The following TXNRD3 variants were observed in gnomAD, a reference collection of about 807,000 sequenced individuals.
TXNRD3 encodes thioredoxin reductase 3, also known as TXNRD3 neighbor gene protein.
TXNRD3 carries 68 observed loss-of-function variants against 78.2 expected under a neutral mutation model. That is an observed-to-expected ratio of 0.87 (90% CI 0.72 to 1.06). TXNRD3 has a LOEUF of 1.06. TXNRD3 is among the 50% of genes least tolerant of loss of function. The probability of loss-of-function intolerance (pLI) is 0.00; values close to 1 mark genes in which losing one functional copy is unlikely to be tolerated. For missense variants in TXNRD3, 751 were observed against 809.5 expected (o/e 0.93, Z 0.88); for synonymous variants, 296 against 300.1 (o/e 0.99, Z 0.14).
rs1364590792 is a variant in TXNRD3, at chr3:126,644,258, C to G, written c.519+39G>C. 2.0e-6 allele frequency: 3 copies of G among 1,498,166 alleles called. No individual in the cohort carries two copies. The East Asian group carries it at 7.4e-5, about 37-fold the overall frequency. 92.8% of individuals were successfully genotyped at this position (1,498,166 alleles called of 1,614,324 possible). On this transcript the variant is annotated intron_variant, in intron 4 of 15. Transcript: ENST00000524230. ...CAGAAGAAATAGCTATGGCAGTCAT[C>G]AGGAAAATTATCTACGAGTTTCATT...
intron 12 of TXNRD3, 143 bp downstream of exon 12, chr3:126,621,599 C>A: frequency 1.3e-6 from 1 of 753,128 alleles, no homozygotes; most frequent in Non-Finnish European, 2.0e-6. Flanking sequence ...TATTTTAATC[C>A]ATTAGTAAAT....
chr3:126,615,630 A>T (rs1198192268), intron 12 of TXNRD3, among the ~76,000 whole-genome samples, 168 bp from the exon 13 acceptor site: 1 of 152,182 alleles, frequency 6.6e-6, no homozygotes, highest in Non-Finnish European at 1.5e-5. Flanking sequence ...GAGATCTGGG[A>T]TGGGCCCCTG....
intron 8 of TXNRD3, among the ~76,000 whole-genome samples, chr3:126,631,454 C>A (rs1290988400): frequency 6.6e-6 from 1 of 152,002 alleles, no homozygotes; most frequent in African/African-American, 2.4e-5. Flanking sequence ...AGGACACTAA[C>A]CCCTAGAGCT....
intron 3 of TXNRD3, 105 bp downstream of exon 3, chr3:126,646,006 A>G (rs1203772214): frequency 1.2e-6 from 1 of 805,614 alleles, no homozygotes; most frequent in African/African-American, 1.8e-5. Flanking sequence ...TCATTTTATA[A>G]CTTCCAAAAG....
At chr3:126,625,314 C>A in intron 10 of TXNRD3, among the ~76,000 whole-genome samples, 1 of 101,974 alleles carries the variant, frequency 9.8e-6, no homozygotes, top group East Asian at 3.5e-4. Flanking sequence ...CCTCCCCCCA[C>A]CCCACAACAG....
rs548289391 is a variant in TXNRD3, at chr3:126,638,045, G to A, written c.712+3987C>T. On this transcript the variant is annotated intron_variant, in intron 6 of 15. Coordinates refer to ENST00000524230, the MANE Select transcript of TXNRD3 (RefSeq NM_052883.3). ...TGCAACCTCCGCCTCCTGGGTTCAA[G>A]CGATTCTCTTGCCTCAACCTCCCGA... is the stretch of plus-strand genomic sequence containing the variant. 8.0e-5 allele frequency among the ~76,000 whole-genome samples: 11 copies of A among 136,702 alleles called. No individual in the cohort carries two copies. The South Asian group carries it at 2.7e-3, about 33-fold the overall frequency. 89.7% of individuals were successfully genotyped at this position (136,702 alleles called of 152,430 possible). A position where few individuals can be genotyped will look rare whatever the true frequency, so the allele number is the denominator to read the frequency against.
chr3:126,626,221 C>T (rs1938576315), intron 10 of TXNRD3, among the ~76,000 whole-genome samples: 1 of 152,152 alleles, frequency 6.6e-6, no homozygotes, highest in Non-Finnish European at 1.5e-5. Flanking sequence ...CAAAGGGATA[C>T]TTCCATGACC....
In TXNRD3 at chr3:126,640,413, T is replaced by C. The variant is rs557425704; in HGVS notation, c.712+1619A>G. ...TGAGCCACCGCGCCCGGCCGCTGCT[T>C]GTGTTTTCTATCTCAGTGAACAGTA... On this transcript the variant is annotated intron_variant, in intron 6 of 15. Transcript: ENST00000524230. 2.0e-5 allele frequency among the ~76,000 whole-genome samples: 3 copies of C among 151,532 alleles called. 1 individual carries two copies. The highest frequency in any genetic ancestry group is 7.3e-5 in the African/African-American group (3 of 41,190).
intron 2 of TXNRD3, 29 bp downstream of exon 2, chr3:126,647,207 C>T (rs776581225): frequency 3.4e-6 from 5 of 1,489,986 alleles, no homozygotes; most frequent in South Asian, 1.2e-5. Flanking sequence ...TTATTATAAA[C>T]AACACTATGT....
rs1425992891 is a variant in TXNRD3, at chr3:126,626,632, T to C, written c.1290+2747A>G. Among the ~76,000 whole-genome samples, 4 of 152,298 alleles carry C rather than the reference T, an allele frequency of 2.6e-5. 1 individual carries two copies. Among genetic ancestry groups the C allele is most frequent in the South Asian group, 4.1e-4 (2 of 4,830 alleles). On this transcript the variant is annotated intron_variant, in intron 10 of 15. Coordinates refer to ENST00000524230, the MANE Select transcript of TXNRD3 (RefSeq NM_052883.3). ...GAATGCCTAGAATGAGAAAGCCAGA[T>C]GCCCCTAAAAGTCCTAAGGGTCTGG...
chr3:126,635,594 C>T (rs985018213), intron 6 of TXNRD3, among the ~76,000 whole-genome samples: 2 of 152,038 alleles, frequency 1.3e-5, no homozygotes, highest in African/African-American at 2.4e-5. Flanking sequence ...AAATAATCAG[C>T]CAATCTCCAA....
chr3:126,634,560 A>ACG (rs1938806382), intron 6 of TXNRD3, among the ~76,000 whole-genome samples: 1 of 152,154 alleles, frequency 6.6e-6, no homozygotes, highest in Non-Finnish European at 1.5e-5. Context: ...GTTCACGCTC[A>ACG]CCACTGCCAA....
Position 126,607,953 on chromosome 3 carries a change from G to T in TXNRD3, c.1884C>A (p.Ile628=). 1 of 1,504,852 alleles carries T rather than the reference G, an allele frequency of 6.6e-7. No individual in the cohort carries two copies. Among genetic ancestry groups the T allele is most frequent in the Non-Finnish European group, 8.9e-7 (1 of 1,123,932 alleles). The allele number at this position is 1,504,852 out of a possible 1,614,324, so 93.2% of individuals were successfully genotyped here. Residue 628 remains isoleucine (I), a synonymous_variant, in exon 16 of 16, where the codon ATC becomes ATA. Coordinates refer to ENST00000524230, the MANE Select transcript of TXNRD3 (RefSeq NM_052883.3). ...TGATGTCTAGTCCTGACGACTTTGT[G>T]ATTTCCAAAGTCGTGAACACCTGTT...
intron 1 of TXNRD3, among the ~76,000 whole-genome samples, chr3:126,652,667 C>G (rs1933417615): frequency 2.0e-5 from 3 of 152,170 alleles, no homozygotes. Flanking sequence ...TTTTCCCAGT[C>G]ACAGAGAGTG....
chr3:126,642,954 G>A (rs1054580491), intron 5 of TXNRD3, among the ~76,000 whole-genome samples: 3 of 152,248 alleles, frequency 2.0e-5, no homozygotes, highest in African/African-American at 7.2e-5. Flanking sequence ...TCACAAAGGT[G>A]TAAGCAGGAA....
intron 10 of TXNRD3, among the ~76,000 whole-genome samples, chr3:126,626,288 T>C (rs1247794211): frequency 6.6e-6 from 1 of 152,004 alleles, no homozygotes; most frequent in African/African-American, 2.4e-5. Context: ...TAAAGTAAAA[T>C]ACTAATAAAA....
intron 6 of TXNRD3, among the ~76,000 whole-genome samples, chr3:126,640,616 A>G (rs1042846615): frequency 2.0e-5 from 3 of 152,192 alleles, no homozygotes; most frequent in Admixed American, 6.5e-5. Context: ...CTCTGCACAA[A>G]GAGACAAGTG....
At chr3:126,620,315 A>T (rs1340261393) in intron 12 of TXNRD3, among the ~76,000 whole-genome samples, 1 of 145,328 alleles carries the variant, frequency 6.9e-6, no homozygotes, top group South Asian at 2.2e-4. Context: ...AAAAAAAAAA[A>T]ATCACACACA....
At position 126,647,136 on chromosome 3, in the gene TXNRD3, C is replaced by T. The variant is rs3732531; in HGVS notation, c.304+100G>A. On this transcript the variant is annotated intron_variant, in intron 2 of 15. Transcript: ENST00000524230. ...GTAGACAAAAATGCCTCATTTAACC[C>T]GAAGACAAGAGTAATCTGAATTGAA... The T allele has an allele frequency of 3.3e-3, 3,065 of 926,508 alleles. 116 individuals are homozygous for T. In the East Asian group the frequency reaches 0.077, roughly 23 times the overall value. 57.4% of individuals were successfully genotyped at this position (926,508 alleles called of 1,614,324 possible).
Sources: gnomAD v4.1 joint callset for allele counts (sites outside exome capture counted in the v4.1 genomes callset) on GRCh38, gnomAD v4.1.1 for gene constraint, MANE v1.5 for transcripts, NCBI Gene and HGNC (gene_info 2026-07-23, HGNC 2026-07-21) for gene names.